Variants in TAB3 observed in about 807,000 individuals in gnomAD.
The protein encoded by TAB3 is TGF-beta activated kinase 1 (MAP3K7) binding protein 3, also known as TGF-beta-activated kinase 1 and MAP3K7-binding protein 3.
Under a neutral mutation model 48.1 loss-of-function variants are expected in TAB3, and 18 were observed. The observed-to-expected ratio is 0.37, with a 90% CI of 0.26 to 0.55. TAB3 has a LOEUF of 0.55. Ranked by LOEUF, TAB3 falls within the 20% of genes least tolerant of loss-of-function variation. The pLI is 0.78. For missense variants in TAB3, 414 were observed against 549.8 expected (o/e 0.75, Z 2.47); for synonymous variants, 185 against 190.2 (o/e 0.97, Z 0.22).
At chrX:30,832,535 G>A (rs922412599) in intron 10 of TAB3, among the ~76,000 whole-genome samples, 4 of 112,074 alleles carry the variant, frequency 3.6e-5, no homozygotes, top group African/African-American at 1.3e-4. Context: ...ACAGATCTAG[G>A]GAAGCTTTGT....
At chrX:30,863,605 G>T (rs1340756691) in intron 4 of TAB3, among the ~76,000 whole-genome samples, 2 of 111,853 alleles carry the variant, frequency 1.8e-5, no homozygotes, top group Non-Finnish European at 3.8e-5. Flanking sequence ...CCTTGCTCCC[G>T]CTTTTGCCAT....
At chrX:30,882,859 T>C (rs1178142993) in intron 1 of TAB3, among the ~76,000 whole-genome samples, 1 of 112,194 alleles carries the variant, frequency 8.9e-6, no homozygotes, top group East Asian at 2.8e-4. Flanking sequence ...ACCAGGGTTA[T>C]ATATACTTGG....
At chrX:30,843,152 A>G (rs1938510291) in intron 8 of TAB3, 103 bp from the exon 9 acceptor site, 1 of 463,121 alleles carries the variant, frequency 2.2e-6, no homozygotes, top group African/African-American at 2.5e-5. Flanking sequence ...AGAAGGGAAA[A>G]ATGTTTTCCA....
chrX:30,881,350 G>A (rs1939994111), intron 1 of TAB3, among the ~76,000 whole-genome samples: 1 of 110,165 alleles, frequency 9.1e-6, no homozygotes, highest in Non-Finnish European at 1.9e-5. Context: ...TTCAGTAAGA[G>A]GTTTTTTGTT....
chrX:30,866,769 A>G (rs1405280070), intron 4 of TAB3, among the ~76,000 whole-genome samples: 2 of 108,619 alleles, frequency 1.8e-5, no homozygotes, highest in Non-Finnish European at 3.8e-5. Flanking sequence ...ATTTACATAG[A>G]TAATTCACCT....
chrX:30,863,212 C>T (rs1004518956), intron 4 of TAB3, among the ~76,000 whole-genome samples: 1 of 112,370 alleles, frequency 8.9e-6, no homozygotes, highest in Non-Finnish European at 1.9e-5. Flanking sequence ...CAAACATTCA[C>T]TCACATCAGC....
rs143370025 is a variant in TAB3 at position 30,853,283 on chromosome X, A to G, written c.1550-345T>C. Reference sequence around the variant, plus strand: ...CTCCGGTTATCTTGAAACAATCTGAATAGACTTTTTAAAAACTCTGTATCT... The same window carrying G: ...CTCCGGTTATCTTGAAACAATCTGAGTAGACTTTTTAAAAACTCTGTATCT... On this transcript the variant is annotated intron_variant, in intron 6 of 10. Coordinates refer to ENST00000288422, the MANE Select transcript of TAB3 (RefSeq NM_152787.5). Among the ~76,000 whole-genome samples, 614 of 112,756 alleles carry G rather than the reference A, an allele frequency of 5.4e-3. 3 individuals are homozygous for G. Among genetic ancestry groups the G allele is most frequent in the African/African-American group, 0.019 (587 of 31,083 alleles).
intron 2 of TAB3, among the ~76,000 whole-genome samples, chrX:30,868,513 T>G (rs1294309470): frequency 0.014 from 83 of 5,801 alleles, 11 homozygotes; most frequent in Admixed American, 0.12. Flanking sequence ...TATATATATA[T>G]AGCTTATATA....
At position 30,831,345 on chromosome X, in the gene TAB3, G is replaced by A. The variant is rs1468053051; in HGVS notation, c.*82C>T. The A allele has an allele frequency of 1.9e-6, 2 of 1,044,778 alleles. No homozygotes were observed. The highest frequency in any genetic ancestry group is 1.3e-6 in the Non-Finnish European group (1 of 786,316). The allele number at this position is 1,044,778 out of a possible 1,213,427, so 86.1% of individuals were successfully genotyped here. A position where few individuals can be genotyped will look rare whatever the true frequency, so the allele number is the denominator to read the frequency against. On this transcript the variant is annotated 3_prime_UTR_variant, in exon 11 of 11. Coordinates refer to ENST00000288422, the MANE Select transcript of TAB3 (RefSeq NM_152787.5). ...GCAATCGAAAATGAAAAGGCTGGGT[G>A]GATGAATAGAGTCCCGAGGTTTCCT...
At chrX:30,847,198 C>T (rs769592771) in intron 7 of TAB3, among the ~76,000 whole-genome samples, 1 of 110,824 alleles carries the variant, frequency 9.0e-6, no homozygotes, top group Non-Finnish European at 1.9e-5. Context: ...ATTGGTAGAG[C>T]CAGGATTTAT....
chrX:30,855,128 C>A lies in TAB3; in HGVS notation c.537G>T (p.Pro179=). The change falls in exon 6 of 11, where the codon CCG becomes CCT. Residue 179 remains proline (P), a synonymous_variant. Transcript: ENST00000288422. ...GTATGTGCATGTATGAAGGAGGTGG[C>A]GGTGGTGGTGAAGGCCCTTGCATAG... ...PSAMQGPSPP[P]PPPSYMHIPR... 8.3e-7 allele frequency: 1 copy of A among 1,211,047 alleles called. No individual in the cohort carries two copies. The highest frequency in any genetic ancestry group is 1.8e-5 in the South Asian group (1 of 56,912).
intron 2 of TAB3, among the ~76,000 whole-genome samples, chrX:30,869,382 C>A (rs763392857): frequency 6.9e-4 from 77 of 111,753 alleles, no homozygotes; most frequent in African/African-American, 2.5e-3. Flanking sequence ...TTTGCCATCC[C>A]ACATTTATGT....
In TAB3 at chrX:30,830,987, G is replaced by A. The variant is rs1440283686; in HGVS notation, c.*440C>T. 1 of 100,142 alleles carries A rather than the reference G, an allele frequency of 1.0e-5. No individual in the cohort carries two copies. The highest frequency in any genetic ancestry group is 2.0e-5 in the Non-Finnish European group (1 of 50,204). The allele number at this position is 100,142 out of a possible 1,213,427, so 8.3% of individuals were successfully genotyped here. ...TAGGAAGCAATGGGAAGAAGCACGG[G>A]GAGCCTTGGTTTTCCAGAGAGCGGT... On this transcript the variant is annotated 3_prime_UTR_variant, in exon 11 of 11. Transcript: ENST00000288422.
intron 8 of TAB3, 49 bp downstream of exon 8, chrX:30,846,502 T>C (rs760763012): frequency 1.0e-6 from 1 of 973,552 alleles, no homozygotes; most frequent in South Asian, 2.4e-5. Flanking sequence ...TTAAGCAGCT[T>C]AAAATACCAC....
Position 30,829,638 on chromosome X carries a change from A to T in TAB3, c.*1789T>A, listed in dbSNP as rs771561000. On this transcript the variant is annotated 3_prime_UTR_variant, in exon 11 of 11. Transcript: ENST00000288422. ...TGTGAGAGATGTTTTTATCAGTGTT[A>T]ATTACCATGCTTCCTTTGGGAGACT... 5 of 111,630 alleles carry T rather than the reference A, an allele frequency of 4.5e-5. No individual in the cohort carries two copies. Among genetic ancestry groups the T allele is most frequent in the Non-Finnish European group, 9.4e-5 (5 of 53,133 alleles). 9.2% of individuals were successfully genotyped at this position (111,630 alleles called of 1,213,427 possible). A position where few individuals can be genotyped will look rare whatever the true frequency, so the allele number is the denominator to read the frequency against.
Position 30,828,854 on chromosome X carries a change from T to C in TAB3, c.*2573A>G, listed in dbSNP as rs1046821208. Reference sequence around the variant, plus strand: ...ACATACCAACTGACTACAAGATCCTTTTGAAAAGGCATCTTGAAAGTTGGG... The same window carrying C: ...ACATACCAACTGACTACAAGATCCTCTTGAAAAGGCATCTTGAAAGTTGGG... On this transcript the variant is annotated 3_prime_UTR_variant, in exon 11 of 11. Coordinates refer to ENST00000288422, the MANE Select transcript of TAB3 (RefSeq NM_152787.5). The C allele has an allele frequency of 2.7e-5, 3 of 112,036 alleles. No individual in the cohort carries two copies. Among genetic ancestry groups the C allele is most frequent in the Non-Finnish European group, 3.8e-5 (2 of 53,234 alleles). 9.2% of individuals were successfully genotyped at this position (112,036 alleles called of 1,213,427 possible). A position where few individuals can be genotyped will look rare whatever the true frequency, so the allele number is the denominator to read the frequency against.
chrX:30,839,918 A>G (rs1384136029), intron 9 of TAB3, among the ~76,000 whole-genome samples: 23 of 4,046 alleles, frequency 5.7e-3, no homozygotes, highest in Non-Finnish European at 0.011. Context: ...TATATATTAT[A>G]TATATATATA....
At chrX:30,843,621 A>T (rs1938525955) in intron 8 of TAB3, 1 of 112,266 alleles carries the variant, frequency 8.9e-6, no homozygotes, top group Non-Finnish European at 1.9e-5. Flanking sequence ...TCTTATTTTC[A>T]AGAAAAGGAG....
At chrX:30,870,403 G>A (rs1264444604) in intron 2 of TAB3, among the ~76,000 whole-genome samples, 1 of 111,991 alleles carries the variant, frequency 8.9e-6, no homozygotes, top group Non-Finnish European at 1.9e-5. Flanking sequence ...CTAACCCATT[G>A]CCCACTCATT....
Sources: allele counts gnomAD v4.1 joint callset (sites outside exome capture counted in the v4.1 genomes callset), GRCh38; gene constraint gnomAD v4.1.1; transcripts MANE v1.5; gene names NCBI Gene and HGNC (gene_info 2026-07-23, HGNC 2026-07-21).